The following ZFPM2 variants were observed in gnomAD, a reference collection of about 807,000 sequenced individuals.
ZFPM2 encodes zinc finger protein, FOG family member 2.
A neutral mutation model predicts 98.6 loss-of-function variants in ZFPM2; 20 were observed. That is an observed-to-expected ratio of 0.20 (90% CI 0.14 to 0.29). The LOEUF (loss-of-function observed/expected upper bound fraction) is 0.29. ZFPM2 is among the 10% of genes least tolerant of loss of function. The pLI, the probability that ZFPM2 is intolerant of heterozygous loss-of-function variation, is 1.00. For synonymous variants in ZFPM2, 518 were observed against 502.7 expected, an observed-to-expected ratio of 1.03 and a Z score of -0.41; for missense variants, 1,310 against 1,388.6, an observed-to-expected ratio of 0.94 and a Z score of 0.90.
At chr8:105,446,230 A>G (rs2130229640) in intron 3 of ZFPM2, among the ~76,000 whole-genome samples, 1 of 152,216 alleles carries the variant, frequency 6.6e-6, no homozygotes, top group Non-Finnish European at 1.5e-5. Flanking sequence ...ATAGTTCCTT[A>G]TTCATAGAAT....
intron 5 of ZFPM2, among the ~76,000 whole-genome samples, chr8:105,712,207 A>G (rs1005565990): frequency 6.6e-6 from 1 of 151,976 alleles, no homozygotes; most frequent in Non-Finnish European, 1.5e-5. Context: ...AGAAGAAAGA[A>G]CATTATGCTA....
intron 4 of ZFPM2, among the ~76,000 whole-genome samples, chr8:105,589,637 C>T (rs1392643618): frequency 6.6e-6 from 1 of 152,142 alleles, no homozygotes; most frequent in Non-Finnish European, 1.5e-5. Flanking sequence ...CCCCACAAAA[C>T]ACATTACTTG....
At chr8:105,720,444 A>G (rs962277731) in intron 5 of ZFPM2, among the ~76,000 whole-genome samples, 1 of 151,912 alleles carries the variant, frequency 6.6e-6, no homozygotes, top group Non-Finnish European at 1.5e-5. Context: ...GTTCACTACT[A>G]ATTTATGATT....
intron 5 of ZFPM2, among the ~76,000 whole-genome samples, chr8:105,646,310 T>C (rs1817045444): frequency 6.6e-6 from 1 of 152,162 alleles, no homozygotes; most frequent in Admixed American, 6.5e-5. Context: ...TCAGTTGTTT[T>C]GTCAAAACTG....
At chr8:105,422,331 G>C (rs1209411429) in intron 2 of ZFPM2, among the ~76,000 whole-genome samples, 1 of 151,974 alleles carries the variant, frequency 6.6e-6, no homozygotes, top group Non-Finnish European at 1.5e-5. Flanking sequence ...CAGCTACTCG[G>C]GAGGCTGAGG....
intron 4 of ZFPM2, among the ~76,000 whole-genome samples, chr8:105,627,581 CT>C (rs1436429655): frequency 6.6e-6 from 1 of 152,020 alleles, no homozygotes; most frequent in African/African-American, 2.4e-5. Flanking sequence ...TGGAGAAAAA[CT>C]TTGTATAAGT....
At chr8:105,625,414 A>G (rs1816633225) in intron 4 of ZFPM2, among the ~76,000 whole-genome samples, 1 of 152,080 alleles carries the variant, frequency 6.6e-6, no homozygotes, top group African/African-American at 2.4e-5. Context: ...ACACATGCAC[A>G]CTTTGCAACT....
chr8:105,497,068 C>T (rs1343785103), intron 3 of ZFPM2, among the ~76,000 whole-genome samples: 2 of 151,510 alleles, frequency 1.3e-5, no homozygotes, highest in African/African-American at 2.4e-5. Context: ...TCACTGTGAG[C>T]TCCGCCTCCA....
chr8:105,581,907 G>A (rs1379876479), intron 4 of ZFPM2, among the ~76,000 whole-genome samples: 1 of 152,112 alleles, frequency 6.6e-6, no homozygotes, highest in Non-Finnish European at 1.5e-5. Flanking sequence ...ATCGTTGTGG[G>A]GAAGATTGTG....
intron 5 of ZFPM2, among the ~76,000 whole-genome samples, chr8:105,691,259 T>TTTTTTTTTTG (rs1810873702): frequency 7.8e-6 from 1 of 128,020 alleles, no homozygotes; most frequent in Non-Finnish European, 1.6e-5. Context: ...TTTTTTTTTT[T>TTTTTTTTTTG]GAGACGGAGT....
At chr8:105,749,104 A>G (rs1812416366) in intron 5 of ZFPM2, among the ~76,000 whole-genome samples, 1 of 152,062 alleles carries the variant, frequency 6.6e-6, no homozygotes, top group South Asian at 2.1e-4. Context: ...TTCCATGGTG[A>G]TATTAATAAT....
In ZFPM2 at chr8:105,795,246, T is replaced by TTGTGTGTG. The variant is rs780534248; in HGVS notation, c.740-3447_740-3440dup. On this transcript the variant is annotated intron_variant, in intron 6 of 7. Transcript: ENST00000407775. ...TTGGCTCCTCCCCCTCATTTTATCT[T>TTGTGTGTG]TGTGTGTGTGTGTGTGTGTGTGTGT... 8.2e-3 allele frequency among the ~76,000 whole-genome samples: 1,136 copies of TTGTGTGTG among 138,306 alleles called. 13 individuals are homozygous for TTGTGTGTG. The highest frequency in any genetic ancestry group is 0.023 in the African/African-American group (830 of 36,364). The allele number at this position is 138,306 out of a possible 152,430, so 90.7% of individuals were successfully genotyped here.
At chr8:105,440,028 G>C (rs575131703) in intron 2 of ZFPM2, among the ~76,000 whole-genome samples, 1 of 152,258 alleles carries the variant, frequency 6.6e-6, no homozygotes, top group South Asian at 2.1e-4. Flanking sequence ...ATGGTAAACT[G>C]ATATTTTATT....
At chr8:105,417,733 T>C (rs866313913) in intron 1 of ZFPM2, among the ~76,000 whole-genome samples, 2 of 152,294 alleles carry the variant, frequency 1.3e-5, no homozygotes, top group Middle Eastern at 3.4e-3. Context: ...GATGCATGAC[T>C]TTTGAATGTG....
intron 5 of ZFPM2, among the ~76,000 whole-genome samples, chr8:105,674,736 C>T (rs1208720935): frequency 3.9e-5 from 6 of 151,900 alleles, no homozygotes; most frequent in Non-Finnish European, 7.4e-5. Flanking sequence ...TGTAGTTTGT[C>T]AAGAAGAGGA....
rs759245475 is a variant in ZFPM2, at chr8:105,561,385, A to T, written c.324A>T (p.Lys108Asn). Reference protein sequence around the residue: ...DGPGELEVFQKDGERKIQSRQ... With the variant: ...DGPGELEVFQNDGERKIQSRQ... ...CAGGAGAGCTGGAGGTGTTTCAGAA[A>T]GATGGGGAACGAAAAATTCAGAGTC... Residue 108 changes from lysine (K) to asparagine (N), a missense_variant, in exon 4 of 8, where the codon AAA becomes AAT. By Grantham distance (94) the Lys-to-Asn change is moderately conservative. Transcript: ENST00000407775. 1 of 1,613,590 alleles carries T rather than the reference A, an allele frequency of 6.2e-7. No individual in the cohort carries two copies. The highest frequency in any genetic ancestry group is 8.5e-7 in the Non-Finnish European group (1 of 1,179,664).
At chr8:105,796,222 C>T (rs968026187) in intron 6 of ZFPM2, among the ~76,000 whole-genome samples, 9 of 149,370 alleles carry the variant, frequency 6.0e-5, no homozygotes, top group African/African-American at 2.0e-4. Context: ...ATGGCCCAAC[C>T]TGAATTTGAG....
intron 4 of ZFPM2, among the ~76,000 whole-genome samples, chr8:105,565,296 GA>G (rs1815220897): frequency 6.6e-6 from 1 of 152,098 alleles, no homozygotes; most frequent in Non-Finnish European, 1.5e-5. Context: ...GTTGTTCTTG[GA>G]ATTATATAAC....
At chr8:105,339,832 C>A (rs1201557936) in intron 1 of ZFPM2, among the ~76,000 whole-genome samples, 1 of 151,880 alleles carries the variant, frequency 6.6e-6, no homozygotes, top group Non-Finnish European at 1.5e-5. Context: ...AAACAATATT[C>A]TTTTAGTCCA....
Sources: gnomAD v4.1 joint callset for allele counts (sites outside exome capture counted in the v4.1 genomes callset) on GRCh38, gnomAD v4.1.1 for gene constraint, MANE v1.5 for transcripts, NCBI Gene and HGNC (gene_info 2026-07-23, HGNC 2026-07-21) for gene names.